Variants in PTPRD observed in about 807,000 individuals in gnomAD.
PTPRD encodes the protein protein tyrosine phosphatase receptor type D, also known as receptor-type tyrosine-protein phosphatase delta.
Under a neutral mutation model 214.5 loss-of-function variants are expected in PTPRD, and 34 were observed. The ratio of observed to expected loss-of-function variants is 0.16; its 90% confidence interval spans 0.12 to 0.21. The LOEUF (loss-of-function observed/expected upper bound fraction) is 0.21, where lower values mean the gene tolerates loss of function less well. Ranked by LOEUF, PTPRD falls within the 10% of genes least tolerant of loss-of-function variation. PTPRD has a pLI of 1.00. For missense variants in PTPRD, 2,545 were observed against 2,398.7 expected (o/e 1.06, Z -1.27); for synonymous variants, 1,128 against 845.7 (o/e 1.33, Z -5.79).
intron 11 of PTPRD, among the ~76,000 whole-genome samples, chr9:8,941,723 C>A (rs2099034951): frequency 6.6e-6 from 1 of 152,142 alleles, no homozygotes; most frequent in South Asian, 2.1e-4. Context: ...TCACAAAAAT[C>A]CAGCAAAAAT....
rs111732119 is a variant in PTPRD, at chr9:8,785,241, G to C, written c.-103-51295C>G. Among the ~76,000 whole-genome samples the C allele has an allele frequency of 1.2e-3, 182 of 151,998 alleles. 1 individual carries two copies. Among genetic ancestry groups the C allele is most frequent in the African/African-American group, 3.9e-3 (160 of 41,464 alleles). ...CAAGGAGATGATGAAGAATAACAGG[G>C]GAAAAAAACACTAATCAATGAAAGA... is the stretch of plus-strand genomic sequence containing the variant. On this transcript the variant is annotated intron_variant, in intron 11 of 45. Coordinates refer to ENST00000381196, the MANE Select transcript of PTPRD (RefSeq NM_002839.4).
intron 11 of PTPRD, among the ~76,000 whole-genome samples, chr9:8,753,527 G>A (rs1165726868): frequency 6.6e-6 from 1 of 152,142 alleles, no homozygotes; most frequent in Non-Finnish European, 1.5e-5. Flanking sequence ...ACAGCATGTT[G>A]TATGTGCCTC....
At chr9:10,431,013 G>T (rs1401796147) in intron 2 of PTPRD, among the ~76,000 whole-genome samples, 2 of 151,934 alleles carry the variant, frequency 1.3e-5, no homozygotes, top group Non-Finnish European at 1.5e-5. Flanking sequence ...TCATCTGAAT[G>T]CTTATCACAC....
In PTPRD at chr9:9,782,108, T is replaced by C. The variant is rs1270207873; in HGVS notation, c.-367-15257A>G. On this transcript the variant is annotated intron_variant, in intron 5 of 45. Transcript: ENST00000381196. Reference sequence around the variant, plus strand: ...ACCCGGCCTTTGGACTCAATTTTGATACCTTTCTCCAGAAGTATTCTTTGA... The same window carrying C: ...ACCCGGCCTTTGGACTCAATTTTGACACCTTTCTCCAGAAGTATTCTTTGA... Among the ~76,000 whole-genome samples the C allele has an allele frequency of 3.3e-5, 5 of 152,146 alleles. No individual in the cohort carries two copies. The East Asian group carries it at 9.7e-4, about 29-fold the overall frequency.
intron 11 of PTPRD, among the ~76,000 whole-genome samples, chr9:8,883,169 C>T (rs149431461): frequency 5.8e-4 from 89 of 152,252 alleles, no homozygotes; most frequent in African/African-American, 1.9e-3. Context: ...CATATTAATT[C>T]TAATTCCACA....
intron 5 of PTPRD, among the ~76,000 whole-genome samples, chr9:9,886,309 A>G (rs1443439725): frequency 6.6e-6 from 1 of 152,110 alleles, no homozygotes; most frequent in Admixed American, 6.6e-5. Context: ...TGGTTATCTC[A>G]TATTTCTTTA....
intron 10 of PTPRD, among the ~76,000 whole-genome samples, chr9:9,078,269 T>C (rs900068195): frequency 6.6e-6 from 1 of 152,172 alleles, no homozygotes; most frequent in Admixed American, 6.6e-5. Context: ...GTTTGCTGGA[T>C]ATATTTTTTC....
chr9:9,355,487 C>A (rs2053412743), intron 9 of PTPRD, among the ~76,000 whole-genome samples: 1 of 151,500 alleles, frequency 6.6e-6, no homozygotes, highest in Admixed American at 6.6e-5. Context: ...GGGTTAAAAA[C>A]CATTTTTAGG....
intron 43 of PTPRD, among the ~76,000 whole-genome samples, chr9:8,332,179 G>A (rs114850816): frequency 0.016 from 2,436 of 152,240 alleles, 68 homozygotes; most frequent in African/African-American, 0.055. Context: ...ATTGAAACAA[G>A]CACCTAGGCA....
At chr9:8,535,100 C>A (rs1488921784) in intron 14 of PTPRD, among the ~76,000 whole-genome samples, 4 of 151,780 alleles carry the variant, frequency 2.6e-5, no homozygotes, top group Admixed American at 2.0e-4. Context: ...AGCACATACA[C>A]AGGAAGATTG....
chr9:8,894,806 T>C (rs889716965), intron 11 of PTPRD, among the ~76,000 whole-genome samples: 1 of 152,182 alleles, frequency 6.6e-6, no homozygotes, highest in Non-Finnish European at 1.5e-5. Flanking sequence ...TATGTCCTTG[T>C]TGTTAATTTA....
intron 16 of PTPRD, 147 bp from the exon 17 acceptor site, chr9:8,526,791 A>G (rs539723335): frequency 5.1e-5 from 30 of 592,044 alleles, no homozygotes; most frequent in Non-Finnish European, 6.8e-5. Context: ...ATATTGGTAA[A>G]ACAGGAATAT....
intron 2 of PTPRD, among the ~76,000 whole-genome samples, chr9:10,493,391 C>G (rs528288923): frequency 6.6e-6 from 1 of 152,000 alleles, no homozygotes; most frequent in East Asian, 1.9e-4. Flanking sequence ...GTACTGGTAC[C>G]AAAACAGATA....
intron 2 of PTPRD, among the ~76,000 whole-genome samples, chr9:10,538,078 T>A (rs1362193986): frequency 6.6e-6 from 1 of 151,992 alleles, no homozygotes; most frequent in Non-Finnish European, 1.5e-5. Flanking sequence ...TCAACTTGCA[T>A]AGTCTTAATC....
intron 14 of PTPRD, among the ~76,000 whole-genome samples, chr9:8,614,149 G>T (rs2095537185): frequency 6.6e-6 from 1 of 152,068 alleles, no homozygotes; most frequent in Admixed American, 6.6e-5. Context: ...ATGCTTCCAG[G>T]AGAAGCAATG....
chr9:9,642,337 G>A (rs1427128465), intron 7 of PTPRD, among the ~76,000 whole-genome samples: 1 of 149,840 alleles, frequency 6.7e-6, no homozygotes, highest in African/African-American at 2.5e-5. Context: ...AGTGGGTGCA[G>A]CGCACCAGCA....
intron 8 of PTPRD, among the ~76,000 whole-genome samples, chr9:9,464,048 C>T (rs1405950494): frequency 6.6e-6 from 1 of 152,150 alleles, no homozygotes; most frequent in South Asian, 2.1e-4. Flanking sequence ...TACATTTATT[C>T]CCAACTATAT....
In PTPRD at chr9:8,354,400, A is replaced by G. The variant is rs184412231; in HGVS notation, c.4662-12422T>C. 2.8e-4 allele frequency among the ~76,000 whole-genome samples: 42 copies of G among 152,344 alleles called. 1 individual carries two copies. Among genetic ancestry groups the G allele is most frequent in the Admixed American group, 1.6e-3 (24 of 15,304 alleles). On this transcript the variant is annotated intron_variant, in intron 39 of 45. Coordinates refer to ENST00000381196, the MANE Select transcript of PTPRD (RefSeq NM_002839.4). ...CTACAAGATGGACGAAAATTTCATG[A>G]AATAACACCAATACGAAAAATTTAA...
At chr9:8,547,597 C>G (rs533067018) in intron 14 of PTPRD, among the ~76,000 whole-genome samples, 1 of 147,196 alleles carries the variant, frequency 6.8e-6, no homozygotes, top group Admixed American at 6.8e-5. Context: ...GAGCCGTGTT[C>G]ACACCACCGC....
Sources: gnomAD v4.1 joint callset for allele counts (sites outside exome capture counted in the v4.1 genomes callset) on GRCh38, gnomAD v4.1.1 for gene constraint, MANE v1.5 for transcripts, NCBI Gene and HGNC (gene_info 2026-07-23, HGNC 2026-07-21) for gene names.